The following TTN variants were observed in gnomAD, a reference collection of about 807,000 sequenced individuals.
TTN encodes titin.
A neutral mutation model predicts 3,223.0 loss-of-function variants in TTN; 1,525 were observed. That is an observed-to-expected ratio of 0.47 (90% CI 0.45 to 0.49). TTN has a LOEUF of 0.49. TTN is among the 20% of genes least tolerant of loss of function. The pLI is 0.00. For missense variants in TTN, 40,786 were observed against 43,424.0 expected (o/e 0.94, Z 5.40); for synonymous variants, 14,094 against 15,161.0 (o/e 0.93, Z 5.17).
Position 178,551,739 on chromosome 2 carries a change from A to G in TTN, c.91161T>C (p.Thr30387=). 1 of 1,613,858 alleles carries G rather than the reference A, an allele frequency of 6.2e-7. No homozygotes were observed. Among genetic ancestry groups the G allele is most frequent in the Non-Finnish European group, 8.5e-7 (1 of 1,179,790 alleles). ...GGTAATCCAGACCTTCTACCAGTCC[A>G]GTGGCTCTATATTCTCTTCCAGAGA... ...SPISGREYRA[T]GLVEGLDYQF... The change falls in exon 335 of 363, where the codon ACT becomes ACC. Residue 30387 remains threonine (T), a synonymous_variant. Coordinates refer to ENST00000589042, the MANE Select transcript of TTN (RefSeq NM_001267550.2).
rs1209017771 is a variant in TTN, at chr2:178,771,321, G to A, written c.8006C>T (p.Ser2669Phe). The A allele has an allele frequency of 6.2e-7, 1 of 1,614,104 alleles. No homozygotes were observed. Among genetic ancestry groups the A allele is most frequent in the South Asian group, 1.1e-5 (1 of 91,084 alleles). Residue 2669 changes from serine (S) to phenylalanine (F), a missense_variant, in exon 34 of 363, where the codon TCT (serine) becomes TTT (phenylalanine). Transcript: ENST00000589042. ...LPLTNNIRSE[S>F]DGHKRRLIIA... ...GATAAGTCTCCTTTTGTGGCCATCA[G>A]ACTCACTTCTGATGTTGTTAGTCAG...
At position 178,709,869 on chromosome 2, in the gene TTN, G is replaced by A. The variant is rs769602661; in HGVS notation, c.28463-13C>T. 6.2e-7 allele frequency: 1 copy of A among 1,602,724 alleles called. No individual in the cohort carries two copies. Among genetic ancestry groups the A allele is most frequent in the Non-Finnish European group, 8.5e-7 (1 of 1,173,628 alleles). On this transcript the variant is annotated splice_polypyrimidine_tract_variant and intron_variant, in intron 98 of 362. Coordinates refer to ENST00000589042, the MANE Select transcript of TTN (RefSeq NM_001267550.2). ...GGGATGAGCCGCTCTATAAGAAATTGCAAGGATATATGAAGTAGAAGCTAG... is the reference window on the plus strand; with the variant it reads ...GGGATGAGCCGCTCTATAAGAAATTACAAGGATATATGAAGTAGAAGCTAG...
rs1698284356 is a variant in TTN at position 178,548,953 on chromosome 2, T to C, written c.92673A>G (p.Glu30891=). 6.2e-7 allele frequency: 1 copy of C among 1,613,948 alleles called. No homozygotes were observed. Among genetic ancestry groups the C allele is most frequent in the Non-Finnish European group, 8.5e-7 (1 of 1,179,842 alleles). Reference sequence around the variant, plus strand: ...TGATAGCACTAACTCGGAATTTGTATTCTTCACCTGCTTGTAGATCAGTGA... The same window carrying C: ...TGATAGCACTAACTCGGAATTTGTACTCTTCACCTGCTTGTAGATCAGTGA... ...YTVTDLQAGE[E]YKFRVSAING... Residue 30891 remains glutamate (E), a synonymous_variant, in exon 339 of 363, where the codon GAA becomes GAG. Coordinates refer to ENST00000589042, the MANE Select transcript of TTN (RefSeq NM_001267550.2). The surrounding 1 kb of genome is among the most constrained non-coding windows in gnomAD (Gnocchi z 4.3).
Position 178,557,896 on chromosome 2 carries a change from T to C in TTN, c.87458A>G (p.Glu29153Gly). The C allele has an allele frequency of 6.2e-7, 1 of 1,613,678 alleles. No homozygotes were observed. The highest frequency in any genetic ancestry group is 1.7e-5 in the Admixed American group (1 of 60,018). The change falls in exon 328 of 363, where the codon GAA (glutamate) becomes GGA (glycine). Residue 29153 changes from glutamate (E) to glycine (G), a missense_variant. Transcript: ENST00000589042. ...TGGCTCCCATTTGAGAGTCACACTTTCTTCAGTTATATCACTAATAACAAC... is the reference window on the plus strand; with the variant it reads ...TGGCTCCCATTTGAGAGTCACACTTCCTTCAGTTATATCACTAATAACAAC... Reference protein sequence around the residue: ...GPVVISDITEESVTLKWEPPK... With the variant: ...GPVVISDITEGSVTLKWEPPK...
chr2:178,578,118 C>T lies in TTN; in HGVS notation c.68397G>A (p.Arg22799=), dbSNP rs1304261945. 6.2e-7 allele frequency: 1 copy of T among 1,613,224 alleles called. No homozygotes were observed. Among genetic ancestry groups the T allele is most frequent in the South Asian group, 1.1e-5 (1 of 91,050 alleles). ...ATCCTGTCACTTTAAAGTCTCTCAT[C>T]CTTATCGGAGTCTTGTTAGCTCTCT... The part of the protein sequence containing the change: ...LWKRANKTPI[R]MRDFKVTGLT... The change falls in exon 322 of 363, where the codon AGG becomes AGA. Residue 22799 remains arginine, a synonymous_variant. Transcript: ENST00000589042.
At chr2:178,701,907 C>A in intron 109 of TTN, 133 bp downstream of exon 109, 1 of 937,684 alleles carries the variant, frequency 1.1e-6, no homozygotes, top group Non-Finnish European at 1.6e-6. Context: ...AATTCTACTG[C>A]ATAACAGTTT....
Position 178,538,850 on chromosome 2 carries a change from T to A in TTN, c.98990-11A>T, listed in dbSNP as rs1692982332. The A allele has an allele frequency of 1.3e-6, 2 of 1,591,676 alleles. No individual in the cohort carries two copies. Among genetic ancestry groups the A allele is most frequent in the Non-Finnish European group, 8.6e-7 (1 of 1,169,088 alleles). On this transcript the variant is annotated splice_polypyrimidine_tract_variant and intron_variant, in intron 353 of 362. Transcript: ENST00000589042. ...GTTGGCTTGGTTTATCTGAAATATT[T>A]TAAAATAATGAAAAGGGAGTCAGCT...
rs2154142487 is a variant in TTN, at chr2:178,542,357, C to T, written c.97399G>A (p.Gly32467Arg). 1 of 1,613,568 alleles carries T rather than the reference C, an allele frequency of 6.2e-7. No homozygotes were observed. Among genetic ancestry groups the T allele is most frequent in the Non-Finnish European group, 8.5e-7 (1 of 1,179,704 alleles). Residue 32467 changes from glycine to arginine, a missense_variant, in exon 349 of 363, where the codon GGA becomes AGA. By Grantham distance (125) the Gly-to-Arg change is moderately radical (BLOSUM62 -2). Coordinates refer to ENST00000589042, the MANE Select transcript of TTN (RefSeq NM_001267550.2). ...STFKFTRLTE[G>R]NEYVFRVAAT... ...GCCACACGGAACACATACTCATTTC[C>T]TTCGGTGAGTCTGGTAAACTTAAAC...
At chr2:178,624,815 C>G (rs2058785686) in intron 241 of TTN, 84 bp from the exon 242 acceptor site, 1 of 1,495,264 alleles carries the variant, frequency 6.7e-7, no homozygotes, top group Non-Finnish European at 9.1e-7. Context: ...CCTGCCATCT[C>G]CAGGGCTTTG....
In TTN at chr2:178,533,010, T is replaced by C. The variant is rs1232287405; in HGVS notation, c.103605A>G (p.Lys34535=). 1 of 1,613,426 alleles carries C rather than the reference T, an allele frequency of 6.2e-7. No homozygotes were observed. Among genetic ancestry groups the C allele is most frequent in the African/African-American group, 1.3e-5 (1 of 74,770 alleles). Residue 34535 remains lysine (K), a synonymous_variant, in exon 358 of 363, where the codon AAA becomes AAG. Transcript: ENST00000589042. ...LEIEEKKEER[K]LRMPYDVPEP... ...CTGGTACATCATAAGGCATCCGGAG[T>C]TTTCTCTCCTCCTTCTTTTCTTCTA... is the stretch of plus-strand genomic sequence containing the variant.
chr2:178,740,368 G>A lies in TTN; in HGVS notation c.12865C>T (p.Pro4289Ser). The change falls in exon 48 of 363, where the codon CCC becomes TCC. Residue 4289 changes from proline (P) to serine (S), a missense_variant. Transcript: ENST00000589042. ...CATGAGTGTTCTGAAGGGACTAGGGGCTCATAGTTTACCTGAGAGATCATG... is the reference window on the plus strand; with the variant it reads ...CATGAGTGTTCTGAAGGGACTAGGGACTCATAGTTTACCTGAGAGATCATG... ...DVMISQVNYE[P>S]LVPSEHSCTE... The A allele has an allele frequency of 3.1e-6, 5 of 1,613,588 alleles. No individual in the cohort carries two copies. The highest frequency in any genetic ancestry group is 4.2e-6 in the Non-Finnish European group (5 of 1,179,742).
chr2:178,773,984 A>G lies in TTN; in HGVS notation c.7184T>C (p.Val2395Ala). 1 of 1,614,088 alleles carries G rather than the reference A, an allele frequency of 6.2e-7. No individual in the cohort carries two copies. Among genetic ancestry groups the G allele is most frequent in the Non-Finnish European group, 8.5e-7 (1 of 1,179,976 alleles). Residue 2395 changes from valine to alanine, a missense_variant, in exon 31 of 363, where the codon GTG becomes GCG. By Grantham distance (64) the Val-to-Ala change is moderately conservative. Transcript: ENST00000589042. ...AATGTGAACCCTGTCACTGGGCTGC[A>G]CTTCTTGGCCGTCTTTCATCCAGAC... is the stretch of plus-strand genomic sequence containing the variant. ...EGVWMKDGQE[V>A]QPSDRVHIVI...
At chr2:178,650,964 T>A in intron 208 of TTN, 130 bp from the exon 209 acceptor site, 1 of 1,009,500 alleles carries the variant, frequency 9.9e-7, no homozygotes, top group Non-Finnish European at 1.5e-6. Context: ...ATAAGGTCAG[T>A]GATCTGTCTT....
chr2:178,754,352 C>T lies in TTN; in HGVS notation c.11255-1172G>A, dbSNP rs2086374026. Reference sequence around the variant, plus strand: ...TCACTCTTCAAACATCTAAAAATGTCTTATCTTTCAACTTTCTTAGGTACA... The same window carrying T: ...TCACTCTTCAAACATCTAAAAATGTTTTATCTTTCAACTTTCTTAGGTACA... On this transcript the variant is annotated intron_variant, in intron 46 of 362. Transcript: ENST00000589042. Among the ~76,000 whole-genome samples the T allele has an allele frequency of 3.9e-5, 6 of 152,178 alleles. 1 individual carries two copies. In the South Asian group the frequency reaches 1.2e-3, roughly 32 times the overall value.
rs1560601919 is a variant in TTN at position 178,714,379 on chromosome 2, C to T, written c.26395G>A (p.Val8799Met). Residue 8799 changes from valine to methionine, a missense_variant, in exon 91 of 363, where the codon GTG becomes ATG. Val to Met is a conservative substitution (Grantham distance 21). Transcript: ENST00000589042. ...ENIATLQFSRVEPANAGKYTC... is the reference protein window; with the variant it reads ...ENIATLQFSRMEPANAGKYTC... ...TATTTTCCAGCATTGGCTGGTTCCACTCTTGAAAACTGTAAGGTTGCAATG... is the reference window on the plus strand; with the variant it reads ...TATTTTCCAGCATTGGCTGGTTCCATTCTTGAAAACTGTAAGGTTGCAATG... The T allele has an allele frequency of 5.6e-6, 9 of 1,613,764 alleles. No individual in the cohort carries two copies. Among genetic ancestry groups the T allele is most frequent in the Non-Finnish European group, 7.6e-6 (9 of 1,179,748 alleles).
Position 178,566,731 on chromosome 2 carries a change from A to G in TTN, c.79401T>C (p.Ala26467=), listed in dbSNP as rs1706014185. The G allele has an allele frequency of 1.2e-6, 2 of 1,613,482 alleles. No homozygotes were observed. Among genetic ancestry groups the G allele is most frequent in the Non-Finnish European group, 1.7e-6 (2 of 1,179,674 alleles). ...TAGCTGGACTTGGTTCCCCAACTCCAGCAGCATTTTCTGCAGAGACCCTGA... is the reference window on the plus strand; with the variant it reads ...TAGCTGGACTTGGTTCCCCAACTCCGGCAGCATTTTCTGCAGAGACCCTGA... ...YEFRVSAENA[A]GVGEPSPATV... is the part of the protein sequence containing the mutation. Residue 26467 remains alanine, a synonymous_variant, in exon 326 of 363, where the codon GCT becomes GCC. Transcript: ENST00000589042.
At position 178,633,322 on chromosome 2, in the gene TTN, T is replaced by G; in HGVS notation, c.42951A>C (p.Arg14317=). Residue 14317 remains arginine (R), a synonymous_variant, in exon 233 of 363, where the codon CGA becomes CGC. Transcript: ENST00000589042. ...ACAGAGGCTTTTCCACTTTTATTAG[T>G]CGAGCTGAAATGATACAGTTTTGTT... ...KTKANVTVEA[R]LIKVEKPLYG... 1.9e-6 allele frequency: 3 copies of G among 1,612,890 alleles called. No individual in the cohort carries two copies. The highest frequency in any genetic ancestry group is 2.5e-6 in the Non-Finnish European group (3 of 1,179,424).
rs751485760 is a variant in TTN, at chr2:178,786,072, C to G, written c.2146G>C (p.Glu716Gln). The G allele has an allele frequency of 1.9e-6, 3 of 1,613,960 alleles. No homozygotes were observed. The highest frequency in any genetic ancestry group is 2.5e-6 in the Non-Finnish European group (3 of 1,180,008). The change falls in exon 14 of 363, where the codon GAG (glutamate) becomes CAG (glutamine). Residue 716 changes from glutamate (E) to glutamine (Q), a missense_variant. By Grantham distance (29) the Glu-to-Gln change is conservative. Transcript: ENST00000589042. ...TCAAGATGCCCAGGCTCTCTGGGCTCTCTGACTCGGGCCTGGTCTACTGCA... is the reference window on the plus strand; with the variant it reads ...TCAAGATGCCCAGGCTCTCTGGGCTGTCTGACTCGGGCCTGGTCTACTGCA... The part of the protein sequence containing the change: ...VAAVDQARVR[E>Q]PREPGHLEES...
rs1166561105 is a variant in TTN, at chr2:178,545,699, T to A, written c.95417-6A>T. 1.2e-6 allele frequency: 2 copies of A among 1,609,716 alleles called. No homozygotes were observed. Among genetic ancestry groups the A allele is most frequent in the African/African-American group, 2.7e-5 (2 of 74,716 alleles). ...GCCGGGTGGTGATGGAATAGCTGTT[T>A]ATGAAAATAAGGATGATGAGAATTG... On this transcript the variant is annotated splice_region_variant and splice_polypyrimidine_tract_variant and intron_variant, in intron 343 of 362. Coordinates refer to ENST00000589042, the MANE Select transcript of TTN (RefSeq NM_001267550.2).
Sources: gnomAD v4.1 joint callset for allele counts (sites outside exome capture counted in the v4.1 genomes callset) on GRCh38, gnomAD v4.1.1 for gene constraint, Gnocchi (gnomAD v3.1) non-coding constraint, MANE v1.5 for transcripts, NCBI Gene and HGNC (gene_info 2026-07-23, HGNC 2026-07-21) for gene names.